BAIAP2L1: variants seen among roughly 807,000 people sequenced by gnomAD.
BAIAP2L1 encodes the protein BAR/IMD domain-containing adapter protein 2-like 1.
BAIAP2L1 carries 35 observed loss-of-function variants against 66.3 expected under a neutral mutation model. The observed-to-expected ratio is 0.53, with a 90% CI of 0.40 to 0.70. The LOEUF is 0.70. BAIAP2L1 is among the 30% of genes least tolerant of loss of function. The pLI, the probability that BAIAP2L1 is intolerant of heterozygous loss-of-function variation, is 0.00. For synonymous variants in BAIAP2L1, 269 were observed against 248.7 expected (o/e 1.08, Z -0.77); for missense variants, 622 against 656.9 (o/e 0.95, Z 0.58).
chr7:98,395,609 C>A (rs1803186280), intron 1 of BAIAP2L1, among the ~76,000 whole-genome samples: 1 of 151,982 alleles, frequency 6.6e-6, no homozygotes, highest in South Asian at 2.1e-4. Context: ...TACTTAAGCA[C>A]AACTTTATGT....
At chr7:98,330,094 C>T (rs1180151128) in intron 3 of BAIAP2L1, among the ~76,000 whole-genome samples, 2 of 152,180 alleles carry the variant, frequency 1.3e-5, no homozygotes, top group Non-Finnish European at 2.9e-5. Flanking sequence ...TCATCTACCT[C>T]AGTTCCTATT....
intron 12 of BAIAP2L1, among the ~76,000 whole-genome samples, chr7:98,296,019 C>T (rs955595466): frequency 3.9e-5 from 6 of 152,198 alleles, no homozygotes; most frequent in Admixed American, 2.6e-4. Context: ...CCGAGACACT[C>T]GGGCAGCCCT....
At chr7:98,387,927 T>C (rs768086726) in intron 1 of BAIAP2L1, among the ~76,000 whole-genome samples, 3 of 152,102 alleles carry the variant, frequency 2.0e-5, no homozygotes, top group Non-Finnish European at 2.9e-5. Context: ...TCAAGGACCA[T>C]ATAGCTCCTT....
chr7:98,362,303 T>C (rs1321699537), intron 2 of BAIAP2L1, 54 bp downstream of exon 2: 2 of 1,335,460 alleles, frequency 1.5e-6, no homozygotes, highest in Non-Finnish European at 2.1e-6. Flanking sequence ...TTAAAAATAA[T>C]TACATATTTA....
At chr7:98,354,855 C>G (rs922069673) in intron 3 of BAIAP2L1, among the ~76,000 whole-genome samples, 187 bp downstream of exon 3, 1 of 152,168 alleles carries the variant, frequency 6.6e-6, no homozygotes, top group Non-Finnish European at 1.5e-5. Flanking sequence ...GGCCTCCACT[C>G]GCCCTCCGGC....
intron 12 of BAIAP2L1, among the ~76,000 whole-genome samples, chr7:98,298,987 C>T (rs117532461): frequency 2.6e-5 from 4 of 152,008 alleles, no homozygotes; most frequent in Non-Finnish European, 4.4e-5. Flanking sequence ...CAGGTATATG[C>T]CACCATGCCT....
At chr7:98,350,204 C>T (rs544160131) in intron 3 of BAIAP2L1, among the ~76,000 whole-genome samples, 26 of 152,046 alleles carry the variant, frequency 1.7e-4, no homozygotes, top group Non-Finnish European at 2.9e-4. Flanking sequence ...GCTCACATCT[C>T]GGGTGATGGT....
chr7:98,394,948 C>T (rs1273646991), intron 1 of BAIAP2L1, among the ~76,000 whole-genome samples: 5 of 151,796 alleles, frequency 3.3e-5, no homozygotes, highest in African/African-American at 7.3e-5. Context: ...CCTGTCTCCA[C>T]TAAAAATACA....
chr7:98,319,967 C>G (rs367664818), intron 5 of BAIAP2L1, 91 bp downstream of exon 5: 1 of 1,006,456 alleles, frequency 9.9e-7, no homozygotes. Flanking sequence ...CTCCTGTCTG[C>G]TGCTGATGAG....
intron 1 of BAIAP2L1, chr7:98,386,693 G>GTTTT (rs71112150): frequency 0.14 from 25,704 of 186,400 alleles, 3,358 homozygotes; most frequent in Non-Finnish European, 0.18. Context: ...CTTTCCAAAG[G>GTTTT]TTTTTTTTTT....
intron 12 of BAIAP2L1, among the ~76,000 whole-genome samples, chr7:98,295,050 G>A (rs570062789): frequency 9.8e-5 from 15 of 152,338 alleles, no homozygotes; most frequent in East Asian, 1.9e-4. Flanking sequence ...CGGCCACACC[G>A]TCCTGACAGC....
At chr7:98,392,131 T>C (rs1173658340) in intron 1 of BAIAP2L1, among the ~76,000 whole-genome samples, 1 of 145,852 alleles carries the variant, frequency 6.9e-6, no homozygotes, top group Admixed American at 7.1e-5. Flanking sequence ...CCAGGAGTTC[T>C]AGGTCAGCCT....
At chr7:98,351,319 A>G (rs1268402652) in intron 3 of BAIAP2L1, among the ~76,000 whole-genome samples, 1 of 152,202 alleles carries the variant, frequency 6.6e-6, no homozygotes, top group Admixed American at 6.5e-5. Flanking sequence ...TTTCACTGAA[A>G]GTTGTTGAAA....
rs142155303 is a variant in BAIAP2L1 at position 98,351,081 on chromosome 7, G to A, written c.214+3961C>T. Among the ~76,000 whole-genome samples, 810 of 152,132 alleles carry A rather than the reference G, an allele frequency of 5.3e-3. 9 individuals carry two copies. Among genetic ancestry groups the A allele is most frequent in the Middle Eastern group, 0.024 (7 of 292 alleles). On this transcript the variant is annotated intron_variant, in intron 3 of 13. Transcript: ENST00000005260. ...TCACCATGTTGGCCAGGCTAGGCTC[G>A]AACTCCTGACCTCGGGTGATCCGCC...
intron 11 of BAIAP2L1, among the ~76,000 whole-genome samples, chr7:98,305,138 G>T (rs989496871): frequency 7.3e-6 from 1 of 137,312 alleles, no homozygotes; most frequent in Admixed American, 8.1e-5. Flanking sequence ...TGATCTGCCC[G>T]CCTCGGCCTC....
intron 3 of BAIAP2L1, chr7:98,323,519 C>G (rs1036186348): frequency 3.3e-5 from 5 of 152,172 alleles, no homozygotes; most frequent in African/African-American, 9.7e-5. Flanking sequence ...ACTTTATTTC[C>G]ACAACCTTAT....
intron 1 of BAIAP2L1, among the ~76,000 whole-genome samples, chr7:98,371,191 C>G (rs1802503448): frequency 6.6e-6 from 1 of 152,080 alleles, no homozygotes; most frequent in South Asian, 2.1e-4. Flanking sequence ...ATGGGCCAAG[C>G]AGCACTGTTA....
intron 1 of BAIAP2L1, chr7:98,386,001 G>T: frequency 7.0e-7 from 1 of 1,429,948 alleles, no homozygotes; most frequent in Non-Finnish European, 9.8e-7. Context: ...CCTTTTCTAT[G>T]TCTTTTCCAA....
At chr7:98,366,976 C>T (rs1802401069) in intron 1 of BAIAP2L1, among the ~76,000 whole-genome samples, 1 of 152,142 alleles carries the variant, frequency 6.6e-6, no homozygotes, top group African/African-American at 2.4e-5. Flanking sequence ...ACTGTAGCCC[C>T]AAACTCTTGG....
Sources: allele counts gnomAD v4.1 joint callset (sites outside exome capture counted in the v4.1 genomes callset), GRCh38; gene constraint gnomAD v4.1.1; transcripts MANE v1.5; gene names NCBI Gene and HGNC (gene_info 2026-07-23, HGNC 2026-07-21).